Variants in ROR1 observed in about 807,000 individuals in gnomAD.
ROR1 encodes ROR family WNT receptor 1.
ROR1 carries 19 observed loss-of-function variants against 78.8 expected under a neutral mutation model. That is an observed-to-expected ratio of 0.24 (90% CI 0.17 to 0.35). The LOEUF is 0.35. Among genes scored for constraint, ROR1 ranks in the 10% least tolerant of loss-of-function variants. The pLI, the probability that ROR1 is intolerant of heterozygous loss-of-function variation, is 1.00. For synonymous variants in ROR1, 386 were observed against 433.6 expected (o/e 0.89, Z 1.36); for missense variants, 917 against 1,177.8 (o/e 0.78, Z 3.24).
At chr1:63,887,014 A>G (rs997068555) in intron 1 of ROR1, among the ~76,000 whole-genome samples, 1 of 152,150 alleles carries the variant, frequency 6.6e-6, no homozygotes, top group African/African-American at 2.4e-5. Flanking sequence ...AGAATTTCCT[A>G]TTTGTTCAAG....
intron 1 of ROR1, among the ~76,000 whole-genome samples, chr1:63,868,521 A>G (rs2100355597): frequency 6.6e-6 from 1 of 152,316 alleles, no homozygotes; most frequent in Middle Eastern, 3.4e-3. Flanking sequence ...AATTTACTTA[A>G]TCTTGAACTT....
intron 8 of ROR1, among the ~76,000 whole-genome samples, chr1:64,173,061 C>T (rs908972620): frequency 6.6e-6 from 1 of 152,130 alleles, no homozygotes; most frequent in Non-Finnish European, 1.5e-5. Flanking sequence ...AGTTAGGATT[C>T]ATTTGTACCA....
At position 64,180,817 on chromosome 1, in the gene ROR1, T is replaced by A. The variant is rs534251703; in HGVS notation, c.*1962T>A. ...TTCTAGGAGTCCCTTAAAGGGAAAT[T>A]AGCATTCCATGAGCCAGTAAAATAC... On this transcript the variant is annotated 3_prime_UTR_variant, in exon 9 of 9. Coordinates refer to ENST00000371079, the MANE Select transcript of ROR1 (RefSeq NM_005012.4). The A allele has an allele frequency of 2.6e-5, 4 of 152,252 alleles. No individual in the cohort carries two copies. Among genetic ancestry groups the A allele is most frequent in the South Asian group, 2.1e-4 (1 of 4,824 alleles). 9.4% of individuals were successfully genotyped at this position (152,252 alleles called of 1,614,324 possible).
chr1:64,091,777 C>T (rs1380788352), intron 4 of ROR1, among the ~76,000 whole-genome samples: 1 of 152,078 alleles, frequency 6.6e-6, no homozygotes, highest in Non-Finnish European at 1.5e-5. Context: ...CTACTCTGTT[C>T]CCAACATAAG....
chr1:63,858,356 G>A (rs17125673), intron 1 of ROR1, among the ~76,000 whole-genome samples: 1,871 of 152,228 alleles, frequency 0.012, 43 homozygotes, highest in African/African-American at 0.044. Context: ...CAGACTGGGG[G>A]TGGCTTTAAC....
intron 2 of ROR1, among the ~76,000 whole-genome samples, chr1:64,013,954 A>T (rs904245565): frequency 1.3e-5 from 2 of 152,246 alleles, no homozygotes; most frequent in Non-Finnish European, 2.9e-5. Context: ...GGCACCTGCT[A>T]AGCAGGTTGC....
intron 1 of ROR1, among the ~76,000 whole-genome samples, chr1:63,935,495 C>G (rs188167035): frequency 5.3e-5 from 8 of 152,074 alleles, no homozygotes; most frequent in African/African-American, 1.9e-4. Flanking sequence ...ATTTCTCTAA[C>G]GGAAACCCCA....
chr1:64,163,222 AACACACACACACACACACACACAC>A (rs57880828), intron 8 of ROR1, among the ~76,000 whole-genome samples: 87 of 137,758 alleles, frequency 6.3e-4, no homozygotes, highest in Non-Finnish European at 9.3e-4. Context: ...CATCTCTACA[AACACACACACACACACACACACAC>A]ACACACACAC....
intron 4 of ROR1, among the ~76,000 whole-genome samples, chr1:64,070,640 T>G (rs1003122580): frequency 1.3e-5 from 2 of 152,148 alleles, no homozygotes; most frequent in African/African-American, 2.4e-5. Flanking sequence ...TTTTTTCATC[T>G]GCAAAATGGA....
chr1:64,173,663 G>C (rs554212202), intron 8 of ROR1, among the ~76,000 whole-genome samples: 3 of 152,116 alleles, frequency 2.0e-5, no homozygotes, highest in Non-Finnish European at 4.4e-5. Flanking sequence ...AAAATTAGGC[G>C]TTCTGTTTCC....
At chr1:63,912,783 C>T (rs1359540259) in intron 1 of ROR1, among the ~76,000 whole-genome samples, 2 of 152,154 alleles carry the variant, frequency 1.3e-5, no homozygotes, top group East Asian at 3.9e-4. Flanking sequence ...CTTCTCTTCT[C>T]CCTGTTCTTT....
At chr1:63,983,214 C>T (rs766404445) in intron 1 of ROR1, among the ~76,000 whole-genome samples, 6 of 152,142 alleles carry the variant, frequency 3.9e-5, no homozygotes, top group Admixed American at 6.6e-5. Context: ...TCTCCCCCTC[C>T]GCATTTTACA....
chr1:64,068,300 C>T lies in ROR1; in HGVS notation c.482+17584C>T, dbSNP rs757078314. ...GCTGCATATTAAGTTTGTTCATATGCAACATAGTATCAGTGCAAAAATGTA... is the reference window on the plus strand; with the variant it reads ...GCTGCATATTAAGTTTGTTCATATGTAACATAGTATCAGTGCAAAAATGTA... On this transcript the variant is annotated intron_variant, in intron 4 of 8. Coordinates refer to ENST00000371079, the MANE Select transcript of ROR1 (RefSeq NM_005012.4). 8.5e-5 allele frequency among the ~76,000 whole-genome samples: 13 copies of T among 152,248 alleles called. No homozygotes were observed. In the South Asian group the frequency reaches 1.9e-3, roughly 22 times the overall value.
At chr1:64,121,237 C>CCTTCCTTT (rs1276696954) in intron 4 of ROR1, among the ~76,000 whole-genome samples, 7 of 74,288 alleles carry the variant, frequency 9.4e-5, no homozygotes, top group African/African-American at 1.3e-4. Flanking sequence ...TTTCCTCCTT[C>CCTTCCTTT]CTTCCTTCCT....
intron 2 of ROR1, among the ~76,000 whole-genome samples, chr1:64,048,034 T>C (rs1357709921): frequency 6.6e-6 from 1 of 152,194 alleles, no homozygotes. Context: ...CCTTCTGAAT[T>C]TGGGGGGACG....
At chr1:63,822,465 ATGTGT>A (rs770407984) in intron 1 of ROR1, among the ~76,000 whole-genome samples, 10 of 146,602 alleles carry the variant, frequency 6.8e-5, no homozygotes, top group Admixed American at 2.7e-4. Flanking sequence ...TAAACATGTG[ATGTGT>A]TTGTTGTAGA....
At chr1:64,060,775 A>G (rs974734782) in intron 4 of ROR1, among the ~76,000 whole-genome samples, 10 of 152,178 alleles carry the variant, frequency 6.6e-5, no homozygotes, top group Admixed American at 5.2e-4. Flanking sequence ...AGATGGAGGG[A>G]ATGTGTGGAG....
At chr1:63,820,319 A>C (rs935680410) in intron 1 of ROR1, among the ~76,000 whole-genome samples, 1 of 152,128 alleles carries the variant, frequency 6.6e-6, no homozygotes, top group African/African-American at 2.4e-5. Context: ...TGGTTGTTTC[A>C]TGAAATCTAC....
chr1:64,143,039 G>A, intron 7 of ROR1: 1 of 1,086,404 alleles, frequency 9.2e-7, no homozygotes, highest in Non-Finnish European at 1.1e-6. Flanking sequence ...TTTTCTGTAT[G>A]CCTTAAGAAC....
Sources: gnomAD v4.1 joint callset for allele counts (sites outside exome capture counted in the v4.1 genomes callset) on GRCh38, gnomAD v4.1.1 for gene constraint, MANE v1.5 for transcripts, NCBI Gene and HGNC (gene_info 2026-07-23, HGNC 2026-07-21) for gene names.